Variants in FBRSL1 observed in about 807,000 individuals in gnomAD.
FBRSL1 encodes fibrosin-1-like protein.
A neutral mutation model predicts 89.6 loss-of-function variants in FBRSL1; 51 were observed. The observed-to-expected ratio is 0.57, with a 90% confidence interval of 0.45 to 0.72. The LOEUF (loss-of-function observed/expected upper bound fraction) is 0.72, where lower values mean the gene tolerates loss of function less well. FBRSL1 is among the 30% of genes least tolerant of loss of function. FBRSL1 has a pLI of 0.00. For synonymous variants in FBRSL1, 779 were observed against 681.1 expected, an observed-to-expected ratio of 1.14 and a Z score of -2.24; for missense variants, 1,618 against 1,451.8, an observed-to-expected ratio of 1.11 and a Z score of -1.86.
At position 132,524,957 on chromosome 12, in the gene FBRSL1, CG is replaced by C. The variant is rs560233035; in HGVS notation, c.490-773del. Among the ~76,000 whole-genome samples the C allele has an allele frequency of 1.1e-4, 17 of 152,216 alleles. No individual in the cohort carries two copies. The South Asian group carries it at 3.3e-3, about 30-fold the overall frequency. ...AATGTAAAGGAAAATAGTTTCTACT[CG>C]GGGCCACCGTGTGAGCAAATGTGTG... On this transcript the variant is annotated intron_variant, in intron 2 of 18. Coordinates refer to ENST00000680143, the MANE Select transcript of FBRSL1 (RefSeq NM_001367871.1).
chr12:132,505,261 G>A (rs946701186), intron 1 of FBRSL1, among the ~76,000 whole-genome samples: 12 of 152,314 alleles, frequency 7.9e-5, no homozygotes, highest in Non-Finnish European at 1.0e-4. Context: ...GCCCCCACCC[G>A]GAGCTCATGT....
In FBRSL1 at chr12:132,583,075, G is replaced by A; in HGVS notation, c.2306G>A (p.Arg769Gln). 4.2e-6 allele frequency: 6 copies of A among 1,444,024 alleles called. No individual in the cohort carries two copies. Among genetic ancestry groups the A allele is most frequent in the Non-Finnish European group, 5.4e-6 (6 of 1,103,192 alleles). The allele number at this position is 1,444,024 out of a possible 1,614,324, so 89.5% of individuals were successfully genotyped here. Reference protein sequence around the residue: ...LLLRAQSELGRSGAPAEREAE... With the variant: ...LLLRAQSELGQSGAPAEREAE... ...CTCCGGGCCCAGAGCGAGCTGGGCCGGTCCGGGGCCCCCGCGGAGCGCGAG... is the reference window on the plus strand; with the variant it reads ...CTCCGGGCCCAGAGCGAGCTGGGCCAGTCCGGGGCCCCCGCGGAGCGCGAG... The change falls in exon 19 of 19, where the codon CGG (arginine) becomes CAG (glutamine). Residue 769 changes from arginine to glutamine, a missense_variant. Coordinates refer to ENST00000680143, the MANE Select transcript of FBRSL1 (RefSeq NM_001367871.1).
intron 4 of FBRSL1, among the ~76,000 whole-genome samples, chr12:132,541,265 G>A (rs1362542862): frequency 3.3e-5 from 5 of 152,174 alleles, no homozygotes; most frequent in African/African-American, 4.8e-5. Flanking sequence ...CCTGAGGCAC[G>A]TCAGGTGCAA....
chr12:132,536,906 G>A (rs531251946), intron 4 of FBRSL1, among the ~76,000 whole-genome samples: 134 of 152,352 alleles, frequency 8.8e-4, no homozygotes, highest in African/African-American at 2.9e-3. Flanking sequence ...TGTACGTAAC[G>A]GTGTCTTTGC....
intron 1 of FBRSL1, among the ~76,000 whole-genome samples, chr12:132,500,605 T>C (rs963150163): frequency 6.6e-6 from 1 of 152,124 alleles, no homozygotes; most frequent in Non-Finnish European, 1.5e-5. Flanking sequence ...GTTTCCTGAA[T>C]CCGACCTCAT....
intron 1 of FBRSL1, among the ~76,000 whole-genome samples, chr12:132,503,816 C>A (rs553451709): frequency 6.6e-6 from 1 of 152,304 alleles, no homozygotes; most frequent in South Asian, 2.1e-4. Flanking sequence ...GGCTTTGGGC[C>A]TGAGCTCTTG....
intron 2 of FBRSL1, among the ~76,000 whole-genome samples, chr12:132,517,582 T>TGAGCACAGCTGTGCCTGGGAAGGA (rs1282033378): frequency 2.6e-5 from 4 of 152,266 alleles, no homozygotes; most frequent in African/African-American, 9.6e-5. Context: ...GTTCTGAGTG[T>TGAGCACAGCTGTGCCTGGGAAGGA]GAGCACAGCT....
chr12:132,524,289 G>A (rs562392935), intron 2 of FBRSL1, among the ~76,000 whole-genome samples: 1 of 152,358 alleles, frequency 6.6e-6, no homozygotes, highest in African/African-American at 2.4e-5. Flanking sequence ...AGACTCCTCG[G>A]GGCTGCATCC....
intron 1 of FBRSL1, 62 bp downstream of exon 1, chr12:132,490,923 TCGGGCG>T (rs2030782683): frequency 8.9e-7 from 1 of 1,126,408 alleles, no homozygotes; most frequent in Non-Finnish European, 1.1e-6. Flanking sequence ...AGTTGACGCG[TCGGGCG>T]ATCCCGGGAC....
At chr12:132,560,839 G>A (rs1181171451) in intron 5 of FBRSL1, among the ~76,000 whole-genome samples, 1 of 152,238 alleles carries the variant, frequency 6.6e-6, no homozygotes, top group East Asian at 1.9e-4. Context: ...AGGAGGCAGA[G>A]GCGGCTGCTC....
At position 132,583,453 on chromosome 12, in the gene FBRSL1, C is replaced by T. The variant is rs1157530072; in HGVS notation, c.2684C>T (p.Pro895Leu). 2 of 1,064,862 alleles carry T rather than the reference C, an allele frequency of 1.9e-6. No individual in the cohort carries two copies. The highest frequency in any genetic ancestry group is 2.9e-5 in the South Asian group (1 of 34,316). 66.0% of individuals were successfully genotyped at this position (1,064,862 alleles called of 1,614,324 possible). A position where few individuals can be genotyped will look rare whatever the true frequency, so the allele number is the denominator to read the frequency against. ...YRDREPHGYS[P>L]ERLRGELERA... is the part of the protein sequence containing the mutation. Reference sequence around the variant, plus strand: ...GACCGCGAGCCCCACGGCTACAGCCCCGAGCGCCTGCGCGGGGAGCTGGAG... The same window carrying T: ...GACCGCGAGCCCCACGGCTACAGCCTCGAGCGCCTGCGCGGGGAGCTGGAG... Residue 895 changes from proline (P) to leucine (L), a missense_variant, in exon 19 of 19, where the codon CCC becomes CTC. Transcript: ENST00000680143.
At chr12:132,547,107 T>G (rs538497847) in intron 4 of FBRSL1, among the ~76,000 whole-genome samples, 14 of 152,324 alleles carry the variant, frequency 9.2e-5, no homozygotes, top group African/African-American at 3.1e-4. Flanking sequence ...TCGGGGGACA[T>G]TGCAGTCAGT....
Position 132,490,751 on chromosome 12 carries a change from C to T in FBRSL1, c.181C>T (p.Pro61Ser). Reference protein sequence around the residue: ...GAPPRGAAPAPRTARPPRRRR... With the variant: ...GAPPRGAAPASRTARPPRRRR... ...GCCCCCCCGAGGCGCCGCCCCCGCG[C>T]CCCGCACCGCGCGTCCCCCGCGCCG... is the stretch of plus-strand genomic sequence containing the variant. Residue 61 changes from proline to serine, a missense_variant, in exon 1 of 19, where the codon CCC (proline) becomes TCC (serine). Physicochemically the swap from Pro to Ser is moderately conservative, Grantham distance 74 (BLOSUM62 -1). Coordinates refer to ENST00000680143, the MANE Select transcript of FBRSL1 (RefSeq NM_001367871.1). 3.7e-6 allele frequency: 4 copies of T among 1,068,504 alleles called. No individual in the cohort carries two copies. Among genetic ancestry groups the T allele is most frequent in the Non-Finnish European group, 3.4e-6 (3 of 889,186 alleles). The allele number at this position is 1,068,504 out of a possible 1,614,324, so 66.2% of individuals were successfully genotyped here.
chr12:132,503,295 C>G (rs577554372), intron 1 of FBRSL1, among the ~76,000 whole-genome samples: 2 of 152,206 alleles, frequency 1.3e-5, no homozygotes, highest in East Asian at 3.9e-4. Context: ...GCCGCAAGCC[C>G]GCAGGACCAC....
intron 5 of FBRSL1, among the ~76,000 whole-genome samples, chr12:132,564,875 G>T (rs7961696): frequency 3.4e-5 from 5 of 146,852 alleles, no homozygotes; most frequent in East Asian, 2.0e-4. Flanking sequence ...GTGATCCGCC[G>T]GCCTCGGCCT....
At chr12:132,573,014 C>T (rs543495363) in intron 11 of FBRSL1, among the ~76,000 whole-genome samples, 5 of 152,286 alleles carry the variant, frequency 3.3e-5, no homozygotes, top group East Asian at 1.9e-4. Flanking sequence ...CTTACGGGGC[C>T]GTCCACACCG....
intron 5 of FBRSL1, chr12:132,553,615 G>A (rs1468864829): frequency 1.3e-5 from 2 of 152,272 alleles, no homozygotes; most frequent in South Asian, 2.1e-4. Flanking sequence ...TTTGAGGACC[G>A]AGATCATGAC....
intron 5 of FBRSL1, chr12:132,553,494 C>G (rs572997728): frequency 4.0e-5 from 6 of 151,852 alleles, no homozygotes; most frequent in Non-Finnish European, 8.8e-5. Context: ...TGGTGGGGGC[C>G]TGCTGGGGAC....
Position 132,583,386 on chromosome 12 carries a change from G to A in FBRSL1, c.2617G>A (p.Gly873Ser), listed in dbSNP as rs764457200. The part of the protein sequence containing the change: ...RAFPAAAPAP[G>S]SAALLEPPER... Reference sequence around the variant, plus strand: ...CTTCCCCGCTGCCGCCCCCGCCCCGGGCTCCGCCGCCCTCTTGGAGCCCCC... The same window carrying A: ...CTTCCCCGCTGCCGCCCCCGCCCCGAGCTCCGCCGCCCTCTTGGAGCCCCC... Residue 873 changes from glycine (G) to serine (S), a missense_variant, in exon 19 of 19, where the codon GGC (glycine) becomes AGC (serine). Physicochemically the swap from Gly to Ser is moderately conservative, Grantham distance 56 (BLOSUM62 0). Transcript: ENST00000680143. 8.3e-6 allele frequency: 9 copies of A among 1,086,818 alleles called. 1 individual carries two copies. Among genetic ancestry groups the A allele is most frequent in the Middle Eastern group, 4.3e-4 (1 of 2,328 alleles). 67.3% of individuals were successfully genotyped at this position (1,086,818 alleles called of 1,614,324 possible). A position where few individuals can be genotyped will look rare whatever the true frequency, so the allele number is the denominator to read the frequency against.
Sources: gnomAD v4.1 joint callset for allele counts (sites outside exome capture counted in the v4.1 genomes callset) on GRCh38, gnomAD v4.1.1 for gene constraint, MANE v1.5 for transcripts, NCBI Gene and HGNC (gene_info 2026-07-23, HGNC 2026-07-21) for gene names.